The following SLCO1B3 variants were observed in gnomAD, a reference collection of about 807,000 sequenced individuals.
SLCO1B3 encodes liver-specific organic anion transporter 2.
In SLCO1B3, 72 loss-of-function variants were observed where a neutral mutation model predicts 71.8. The observed-to-expected ratio is 1.00, with a 90% CI of 0.83 to 1.22. The LOEUF is 1.22. Among genes scored for constraint, SLCO1B3 ranks in the 50% most tolerant of loss-of-function variants. The probability of loss-of-function intolerance (pLI) is 0.00; values close to 1 mark genes in which losing one functional copy is unlikely to be tolerated. For missense variants in SLCO1B3, 911 were observed against 819.7 expected, an observed-to-expected ratio of 1.11 and a Z score of -1.36; for synonymous variants, 298 against 278.4, an observed-to-expected ratio of 1.07 and a Z score of -0.70.
intron 3 of SLCO1B3, among the ~76,000 whole-genome samples, chr12:20,829,673 A>C (rs113093130): frequency 0.12 from 18,887 of 152,160 alleles, 1,277 homozygotes; most frequent in Middle Eastern, 0.18. Context: ...CCACAGTGAA[A>C]AGTTAAAGCA....
chr12:20,888,990 A>G (rs1331257497), intron 13 of SLCO1B3, among the ~76,000 whole-genome samples: 2 of 152,032 alleles, frequency 1.3e-5, no homozygotes, highest in African/African-American at 2.4e-5. Context: ...TTTGTGAATC[A>G]CATTTTTGAT....
chr12:20,832,407 T>C lies in SLCO1B3; in HGVS notation c.84+16585T>C, dbSNP rs1864561468. Among the ~76,000 whole-genome samples, 3 of 152,324 alleles carry C rather than the reference T, an allele frequency of 2.0e-5. No homozygotes were observed. In the South Asian group the frequency reaches 6.2e-4, roughly 32 times the overall value. ...TTACACAGAATCTGCCAGTGTATAC[T>C]TCTTCATTACACTTGTCTTTTCTGC... On this transcript the variant is annotated intron_variant, in intron 3 of 15. Transcript: ENST00000381545.
At chr12:20,831,173 A>G (rs7970897) in intron 3 of SLCO1B3, among the ~76,000 whole-genome samples, 1 of 152,080 alleles carries the variant, frequency 6.6e-6, no homozygotes, top group African/African-American at 2.4e-5. Context: ...CCTGGCCAGT[A>G]TGATGAAACC....
intron 8 of SLCO1B3, among the ~76,000 whole-genome samples, chr12:20,870,298 TTGA>T (rs776560866): frequency 1.1e-4 from 17 of 152,166 alleles, no homozygotes; most frequent in Non-Finnish European, 2.5e-4. Flanking sequence ...TTTCACTCTG[TTGA>T]TTATTTCTTT....
At chr12:20,858,261 C>T (rs1865181251) in intron 4 of SLCO1B3, among the ~76,000 whole-genome samples, 178 bp from the exon 5 acceptor site, 1 of 151,974 alleles carries the variant, frequency 6.6e-6, no homozygotes, top group African/African-American at 2.4e-5. Context: ...CTTATTAATA[C>T]TATACAACTT....
intron 3 of SLCO1B3, among the ~76,000 whole-genome samples, chr12:20,850,521 A>T (rs2121207070): frequency 6.6e-6 from 1 of 152,160 alleles, no homozygotes; most frequent in East Asian, 1.9e-4. Context: ...TGACCTCGTG[A>T]TCCACCCGCC....
chr12:20,870,386 T>C lies in SLCO1B3; in HGVS notation c.728-4849T>C, dbSNP rs116464584. On this transcript the variant is annotated intron_variant, in intron 8 of 15. Coordinates refer to ENST00000381545, the MANE Select transcript of SLCO1B3 (RefSeq NM_019844.4). ...CTTTTATTGCCTGTGCTTTTGGTGG[T>C]ACATCCATGAAATTATTGTCAAGAC... is the stretch of plus-strand genomic sequence containing the variant. Among the ~76,000 whole-genome samples the C allele has an allele frequency of 4.8e-3, 732 of 152,282 alleles. 3 individuals are homozygous for C. The highest frequency in any genetic ancestry group is 0.017 in the African/African-American group (703 of 41,578).
At chr12:20,857,335 C>T (rs1389534353) in intron 4 of SLCO1B3, among the ~76,000 whole-genome samples, 1 of 151,914 alleles carries the variant, frequency 6.6e-6, no homozygotes, top group Non-Finnish European at 1.5e-5. Context: ...TTTCTGTTTC[C>T]TATTTGTTTC....
intron 3 of SLCO1B3, among the ~76,000 whole-genome samples, chr12:20,827,607 C>T (rs1033863572): frequency 1.3e-5 from 2 of 151,812 alleles, no homozygotes; most frequent in South Asian, 2.1e-4. Flanking sequence ...AGTCTCACTC[C>T]GTTGCCCGGG....
chr12:20,870,267 C>A (rs935426353), intron 8 of SLCO1B3, among the ~76,000 whole-genome samples: 3 of 151,984 alleles, frequency 2.0e-5, no homozygotes, highest in African/African-American at 7.2e-5. Context: ...TGAATATTTT[C>A]TCTTATTCCG....
chr12:20,855,145 T>G lies in SLCO1B3; in HGVS notation c.202T>G (p.Leu68Val). ...TGACATATCCTCTTCTCTTGCTGGT[T>G]TAATTGATGGAAGCTTTGAAATTGG... is the stretch of plus-strand genomic sequence containing the variant. ...RFDISSSLAG[L>V]IDGSFEIGNL... The change falls in exon 4 of 16, where the codon TTA (leucine) becomes GTA (valine). Residue 68 changes from leucine (L) to valine (V), a missense_variant. By Grantham distance (32) the Leu-to-Val change is conservative. Transcript: ENST00000381545. The G allele has an allele frequency of 6.2e-7, 1 of 1,609,780 alleles. No homozygotes were observed. The highest frequency in any genetic ancestry group is 2.2e-5 in the East Asian group (1 of 44,828).
intron 3 of SLCO1B3, among the ~76,000 whole-genome samples, chr12:20,834,065 A>AAC (rs374358125): frequency 6.9e-6 from 1 of 144,682 alleles, no homozygotes; most frequent in Non-Finnish European, 1.5e-5. Context: ...CATATATAAA[A>AAC]ATATAAATAT....
At chr12:20,913,320 T>C (rs963371369) in intron 15 of SLCO1B3, among the ~76,000 whole-genome samples, 3 of 152,208 alleles carry the variant, frequency 2.0e-5, no homozygotes, top group African/African-American at 7.2e-5. Flanking sequence ...TTATCTATGG[T>C]GAAATTGGTT....
At position 20,898,423 on chromosome 12, in the gene SLCO1B3, TATC is replaced by T. The variant is rs776441247; in HGVS notation, c.1683-10_1683-8del. Reference sequence around the variant, plus strand: ...ATGACATGTATTATTTCTTTGCCTTTATCATATTTCAGGATTGTTCAACCTGAA... The same window carrying T: ...ATGACATGTATTATTTCTTTGCCTTTATATTTCAGGATTGTTCAACCTGAA... On this transcript the variant is annotated splice_polypyrimidine_tract_variant and intron_variant, in intron 13 of 15. Coordinates refer to ENST00000381545, the MANE Select transcript of SLCO1B3 (RefSeq NM_019844.4). 1 of 1,569,528 alleles carries T rather than the reference TATC, an allele frequency of 6.4e-7. No homozygotes were observed. The highest frequency in any genetic ancestry group is 1.1e-5 in the South Asian group (1 of 89,318).
At chr12:20,887,418 A>T (rs1865811692) in intron 13 of SLCO1B3, among the ~76,000 whole-genome samples, 1 of 151,854 alleles carries the variant, frequency 6.6e-6, no homozygotes, top group Non-Finnish European at 1.5e-5. Context: ...TATCTTGATG[A>T]GTATAAGATG....
intron 3 of SLCO1B3, among the ~76,000 whole-genome samples, chr12:20,833,679 TTA>T (rs1398372500): frequency 6.8e-6 from 1 of 147,926 alleles, no homozygotes; most frequent in African/African-American, 2.5e-5. Flanking sequence ...TACATACACT[TTA>T]TGGTATAGAG....
chr12:20,879,607 C>T lies in SLCO1B3; in HGVS notation c.1307C>T (p.Ala436Val). 1 of 1,610,698 alleles carries T rather than the reference C, an allele frequency of 6.2e-7. No homozygotes were observed. The change falls in exon 11 of 16, where the codon GCC becomes GTC. Residue 436 changes from alanine to valine, a missense_variant. By Grantham distance (64) the Ala-to-Val change is moderately conservative (BLOSUM62 0). Coordinates refer to ENST00000381545, the MANE Select transcript of SLCO1B3 (RefSeq NM_019844.4). The stretch of plus-strand genomic sequence containing the variant: ...CTAATCTGCGAAAGCAAATCAGTTG[C>T]CGGCCTAACCTTGACCTATGATGGG... ...FPLICESKSV[A>V]GLTLTYDGNN...
At chr12:20,869,580 T>G (rs1156488135) in intron 8 of SLCO1B3, among the ~76,000 whole-genome samples, 1 of 152,206 alleles carries the variant, frequency 6.6e-6, no homozygotes, top group East Asian at 1.9e-4. Flanking sequence ...CCGCTCACAC[T>G]CAGTATTTGT....
At chr12:20,913,678 T>C (rs955727910) in intron 15 of SLCO1B3, among the ~76,000 whole-genome samples, 1 of 152,224 alleles carries the variant, frequency 6.6e-6, no homozygotes, top group Admixed American at 6.5e-5. Context: ...ACTTTTATTC[T>C]GTATGTCTTC....
Sources: allele counts gnomAD v4.1 joint callset (sites outside exome capture counted in the v4.1 genomes callset), GRCh38; gene constraint gnomAD v4.1.1; transcripts MANE v1.5; gene names NCBI Gene and HGNC (gene_info 2026-07-23, HGNC 2026-07-21).